The following DEPDC1B variants were observed in gnomAD, a reference collection of about 807,000 sequenced individuals.
DEPDC1B encodes the protein DEP domain-containing protein 1B.
Under a neutral mutation model 66.5 loss-of-function variants are expected in DEPDC1B, and 51 were observed. The ratio of observed to expected loss-of-function variants is 0.77; its 90% CI spans 0.61 to 0.97. The LOEUF (loss-of-function observed/expected upper bound fraction) is 0.97. Among genes scored for constraint, DEPDC1B ranks in the 50% least tolerant of loss-of-function variants. The probability of loss-of-function intolerance (pLI) is 0.00; values close to 1 mark genes in which losing one functional copy is unlikely to be tolerated. For missense variants in DEPDC1B, 552 were observed against 637.1 expected (o/e 0.87, Z 1.44); for synonymous variants, 226 against 223.6 (o/e 1.01, Z -0.10).
At chr5:60,638,958 G>A in intron 6 of DEPDC1B, 68 bp from the exon 7 acceptor site, 1 of 1,547,430 alleles carries the variant, frequency 6.5e-7, no homozygotes, top group African/African-American at 1.4e-5. Flanking sequence ...TATTCTCTGT[G>A]AATATGTGTG....
chr5:60,659,187 C>T (rs1753648043), intron 2 of DEPDC1B, among the ~76,000 whole-genome samples: 1 of 152,210 alleles, frequency 6.6e-6, no homozygotes, highest in Non-Finnish European at 1.5e-5. Context: ...GAACAAAAGG[C>T]TTGCAGCCAT....
At chr5:60,680,698 GAGA>G (rs1407648832) in intron 2 of DEPDC1B, among the ~76,000 whole-genome samples, 1 of 152,096 alleles carries the variant, frequency 6.6e-6, no homozygotes, top group East Asian at 1.9e-4. Context: ...TTCTTTATTT[GAGA>G]AGAACTTCTT....
At chr5:60,654,745 A>T (rs1318539093) in intron 2 of DEPDC1B, among the ~76,000 whole-genome samples, 2 of 148,546 alleles carry the variant, frequency 1.3e-5, no homozygotes, top group African/African-American at 2.5e-5. Flanking sequence ...CCTGTTCAGT[A>T]TAGTGTTGGC....
intron 7 of DEPDC1B, among the ~76,000 whole-genome samples, chr5:60,609,223 T>C (rs1165615734): frequency 6.6e-6 from 1 of 152,196 alleles, no homozygotes; most frequent in Non-Finnish European, 1.5e-5. Context: ...TACTGGGTGA[T>C]AAGCGACCAT....
At position 60,687,175 on chromosome 5, in the gene DEPDC1B, C is replaced by G. The variant is rs143548430; in HGVS notation, c.101G>C (p.Arg34Pro). The change falls in exon 2 of 11, where the codon CGC (arginine) becomes CCC (proline). Residue 34 changes from arginine to proline, a missense_variant. Transcript: ENST00000265036. ...FRAKMPLRKH[R>P]CRFKSYEHCF... Reference sequence around the variant, plus strand: ...ATGCTCATAGCTCTTGAAACGACAGCGATGTTTCCGTAACGGCATCTTAGC... The same window carrying G: ...ATGCTCATAGCTCTTGAAACGACAGGGATGTTTCCGTAACGGCATCTTAGC... 6.2e-7 allele frequency: 1 copy of G among 1,613,804 alleles called. No individual in the cohort carries two copies. The highest frequency in any genetic ancestry group is 1.3e-5 in the African/African-American group (1 of 74,914).
intron 7 of DEPDC1B, among the ~76,000 whole-genome samples, chr5:60,635,398 G>C (rs1250510855): frequency 6.6e-6 from 1 of 152,142 alleles, no homozygotes; most frequent in African/African-American, 2.4e-5. Flanking sequence ...AAAAATCACA[G>C]GCGAAGATCT....
chr5:60,649,941 G>A (rs1241375666), intron 2 of DEPDC1B, among the ~76,000 whole-genome samples: 6 of 152,130 alleles, frequency 3.9e-5, no homozygotes, highest in South Asian at 2.1e-4. Context: ...GCCACTGTGC[G>A]CAGCTTGGTG....
chr5:60,609,251 C>T (rs1752369677), intron 7 of DEPDC1B, among the ~76,000 whole-genome samples: 1 of 152,150 alleles, frequency 6.6e-6, no homozygotes, highest in African/African-American at 2.4e-5. Flanking sequence ...TCATAAACAT[C>T]CCAATAACTC....
At position 60,597,548 on chromosome 5, in the gene DEPDC1B, C is replaced by A; in HGVS notation, c.*205G>T. 4.1e-6 allele frequency: 2 copies of A among 487,434 alleles called. No homozygotes were observed. Among genetic ancestry groups the A allele is most frequent in the East Asian group, 4.0e-5 (1 of 24,784 alleles). 30.2% of individuals were successfully genotyped at this position (487,434 alleles called of 1,614,324 possible). On this transcript the variant is annotated 3_prime_UTR_variant, in exon 11 of 11. Coordinates refer to ENST00000265036, the MANE Select transcript of DEPDC1B (RefSeq NM_018369.3). ...ATATATTTGACTCATAAATTTTAAC[C>A]AATTTATACACTTTAAAACTAGCAT...
intron 2 of DEPDC1B, among the ~76,000 whole-genome samples, chr5:60,684,272 A>G (rs1289130715): frequency 6.6e-6 from 1 of 152,228 alleles, no homozygotes; most frequent in Non-Finnish European, 1.5e-5. Flanking sequence ...ATGTATCCAC[A>G]AAAGACCTTG....
At position 60,700,093 on chromosome 5, in the gene DEPDC1B, TGGCGCGTAGGCAGCAGC is replaced by T. The variant is rs1754754482; in HGVS notation, c.-17_-1del. 6.4e-7 allele frequency: 1 copy of T among 1,554,418 alleles called. No homozygotes were observed. The highest frequency in any genetic ancestry group is 1.2e-5 in the South Asian group (1 of 84,436). ...CCGGGCCCCACGATGCGATGCTCCA[TGGCGCGTAGGCAGCAGC>T]GGCCGCAGCCGCGCCAGCGCTGATC... On this transcript the variant is annotated 5_prime_UTR_variant, in exon 1 of 11. Coordinates refer to ENST00000265036, the MANE Select transcript of DEPDC1B (RefSeq NM_018369.3).
chr5:60,621,195 G>A (rs544455944), intron 7 of DEPDC1B, among the ~76,000 whole-genome samples: 4 of 151,302 alleles, frequency 2.6e-5, no homozygotes, highest in South Asian at 2.1e-4. Context: ...GTTAAATGAC[G>A]AGTTAATGGG....
At position 60,645,629 on chromosome 5, in the gene DEPDC1B, G is replaced by C; in HGVS notation, c.451-10C>G. On this transcript the variant is annotated splice_polypyrimidine_tract_variant and intron_variant, in intron 3 of 10. Coordinates refer to ENST00000265036, the MANE Select transcript of DEPDC1B (RefSeq NM_018369.3). Reference sequence around the variant, plus strand: ...ACCACATCTCAGAATTCTAATGGAGGGGGGATGTAAGAAGGGAGGGAAGGA... The same window carrying C: ...ACCACATCTCAGAATTCTAATGGAGCGGGGATGTAAGAAGGGAGGGAAGGA... 1.2e-6 allele frequency: 2 copies of C among 1,601,474 alleles called. No homozygotes were observed. The highest frequency in any genetic ancestry group is 2.3e-5 in the South Asian group (2 of 88,730).
intron 1 of DEPDC1B, among the ~76,000 whole-genome samples, chr5:60,695,849 A>T (rs954873002): frequency 6.6e-6 from 1 of 152,110 alleles, no homozygotes; most frequent in South Asian, 2.1e-4. Context: ...CCCAGGCTGG[A>T]GTGCAGTGGC....
intron 7 of DEPDC1B, among the ~76,000 whole-genome samples, chr5:60,612,541 A>T (rs1470712344): frequency 4.6e-5 from 7 of 151,178 alleles, no homozygotes; most frequent in African/African-American, 1.7e-4. Flanking sequence ...AAAAAAAAAA[A>T]AAAAAAAGAA....
chr5:60,649,940 C>T (rs1190902803), intron 2 of DEPDC1B, among the ~76,000 whole-genome samples: 4 of 152,044 alleles, frequency 2.6e-5, no homozygotes, highest in African/African-American at 7.2e-5. Flanking sequence ...TGCCACTGTG[C>T]GCAGCTTGGT....
At chr5:60,673,309 T>C (rs1323320054) in intron 2 of DEPDC1B, among the ~76,000 whole-genome samples, 1 of 152,214 alleles carries the variant, frequency 6.6e-6, no homozygotes, top group Non-Finnish European at 1.5e-5. Context: ...TGTTTGTCTT[T>C]CTAACTAAAC....
chr5:60,673,549 A>T (rs980191024), intron 2 of DEPDC1B, among the ~76,000 whole-genome samples: 1 of 152,202 alleles, frequency 6.6e-6, no homozygotes, highest in African/African-American at 2.4e-5. Context: ...GCTGCATAAA[A>T]TGCTTAAGCT....
intron 7 of DEPDC1B, among the ~76,000 whole-genome samples, chr5:60,612,677 G>C (rs1172682323): frequency 1.4e-5 from 2 of 139,706 alleles, no homozygotes; most frequent in African/African-American, 5.3e-5. Flanking sequence ...TAGAACATTT[G>C]ATTAGCAATT....
Sources: gnomAD v4.1 joint callset for allele counts (sites outside exome capture counted in the v4.1 genomes callset) on GRCh38, gnomAD v4.1.1 for gene constraint, MANE v1.5 for transcripts, NCBI Gene and HGNC (gene_info 2026-07-23, HGNC 2026-07-21) for gene names.